NEBL: variants seen among roughly 807,000 people sequenced by gnomAD.
NEBL encodes nebulette.
In NEBL, 122 loss-of-function variants were observed where a neutral mutation model predicts 140.2. That is an observed-to-expected ratio of 0.87 (90% confidence interval 0.75 to 1.01). The LOEUF is 1.01. NEBL is among the 50% of genes least tolerant of loss of function. The probability of loss-of-function intolerance (pLI) is 0.00; values close to 1 mark genes in which losing one functional copy is unlikely to be tolerated. For missense variants in NEBL, 1,365 were observed against 1,231.3 expected, an observed-to-expected ratio of 1.11 and a Z score of -1.62; for synonymous variants, 436 against 398.9, an observed-to-expected ratio of 1.09 and a Z score of -1.11.
intron 3 of NEBL, among the ~76,000 whole-genome samples, chr10:21,006,666 T>C (rs1838151656): frequency 6.6e-6 from 1 of 152,212 alleles, no homozygotes; most frequent in Admixed American, 6.5e-5. Context: ...AGGAGTTGCA[T>C]GGCTTTCACC....
chr10:20,839,505 T>C (rs896177599), intron 13 of NEBL, among the ~76,000 whole-genome samples: 1 of 152,142 alleles, frequency 6.6e-6, no homozygotes, highest in African/African-American at 2.4e-5. Flanking sequence ...TCCATACCCT[T>C]GGGAAGGATT....
chr10:21,261,520 C>T (rs1226913008), intron 1 of NEBL, among the ~76,000 whole-genome samples: 1 of 151,746 alleles, frequency 6.6e-6, no homozygotes, highest in African/African-American at 2.4e-5. Flanking sequence ...ATCAGCCAGG[C>T]GTGGTGGTCC....
intron 2 of NEBL, among the ~76,000 whole-genome samples, chr10:20,894,383 G>A (rs1053096159): frequency 2.6e-5 from 4 of 151,814 alleles, no homozygotes; most frequent in Non-Finnish European, 5.9e-5. Flanking sequence ...TAAGGCTGGA[G>A]AATCACTTGA....
intron 2 of NEBL, among the ~76,000 whole-genome samples, chr10:21,119,694 CTT>C (rs1267341921): frequency 6.6e-6 from 1 of 151,914 alleles, no homozygotes; most frequent in African/African-American, 2.4e-5. Context: ...AAAACATTCT[CTT>C]ATATATGCAT....
At chr10:21,068,246 C>T (rs1196000434) in intron 2 of NEBL, among the ~76,000 whole-genome samples, 2 of 152,138 alleles carry the variant, frequency 1.3e-5, no homozygotes, top group Non-Finnish European at 2.9e-5. Context: ...TTTCAATAAA[C>T]AGGTTTAATT....
At chr10:21,146,383 A>G in intron 2 of NEBL, 1 of 1,612,258 alleles carries the variant, frequency 6.2e-7, no homozygotes, top group Non-Finnish European at 8.5e-7. Flanking sequence ...CACAAGAAAA[A>G]AATGACTGGT....
chr10:20,868,845 AAAAT>A lies in NEBL; in HGVS notation c.583-84_583-81del, dbSNP rs201628197. ...ACATTGACATTAGCCAAAAAAAAAA[AAAAT>A]AACAGACCTTCATCTCATTAATATT... On this transcript the variant is annotated intron_variant, in intron 6 of 27. Coordinates refer to ENST00000377122, the MANE Select transcript of NEBL (RefSeq NM_006393.3). The A allele has an allele frequency of 0.013, 12,103 of 931,218 alleles. 514 individuals carry two copies. The African/African-American group carries it at 0.14, about 11-fold the overall frequency. The allele number at this position is 931,218 out of a possible 1,614,324, so 57.7% of individuals were successfully genotyped here.
At chr10:21,100,087 C>T (rs1837401407) in intron 2 of NEBL, among the ~76,000 whole-genome samples, 1 of 152,174 alleles carries the variant, frequency 6.6e-6, no homozygotes, top group African/African-American at 2.4e-5. Flanking sequence ...GATGAATGTG[C>T]TTAGACACCC....
intron 26 of NEBL, among the ~76,000 whole-genome samples, chr10:20,803,716 T>C (rs1837337061): frequency 6.6e-6 from 1 of 151,450 alleles, no homozygotes; most frequent in Non-Finnish European, 1.5e-5. Context: ...AATCAGCACC[T>C]TCTCACCAGA....
intron 4 of NEBL, among the ~76,000 whole-genome samples, chr10:20,906,639 GGT>G (rs1268951418): frequency 6.6e-6 from 1 of 151,840 alleles, no homozygotes; most frequent in Non-Finnish European, 1.5e-5. Context: ...TTTGTGTGAG[GGT>G]GTGTGTTGGG....
intron 3 of NEBL, among the ~76,000 whole-genome samples, chr10:21,220,534 C>T (rs921399904): frequency 7.2e-5 from 11 of 152,148 alleles, no homozygotes; most frequent in Non-Finnish European, 1.0e-4. Flanking sequence ...AGATCAGACA[C>T]TATAATGCTA....
intron 3 of NEBL, among the ~76,000 whole-genome samples, chr10:21,200,484 T>C (rs951952173): frequency 3.9e-5 from 6 of 151,958 alleles, no homozygotes; most frequent in African/African-American, 1.5e-4. Context: ...CAGCTAACTT[T>C]TGTATTTTTA....
intron 2 of NEBL, among the ~76,000 whole-genome samples, chr10:21,145,630 A>G (rs931023226): frequency 6.6e-6 from 1 of 152,190 alleles, no homozygotes; most frequent in East Asian, 1.9e-4. Context: ...GTTATTGTGC[A>G]CTCTGTAAGG....
At chr10:21,029,695 T>C in intron 2 of NEBL, 2 of 1,040,750 alleles carry the variant, frequency 1.9e-6, no homozygotes, top group Admixed American at 1.7e-5. Flanking sequence ...TTCAGACCAG[T>C]CTGGCCGTGG....
chr10:21,194,645 A>G (rs976335604), intron 3 of NEBL, among the ~76,000 whole-genome samples: 3 of 152,150 alleles, frequency 2.0e-5, no homozygotes, highest in Non-Finnish European at 4.4e-5. Flanking sequence ...AGTGGAGCCA[A>G]GAATAGAGAA....
At chr10:20,952,679 C>T (rs185083150) in intron 4 of NEBL, among the ~76,000 whole-genome samples, 4 of 151,208 alleles carry the variant, frequency 2.6e-5, no homozygotes, top group African/African-American at 7.3e-5. Flanking sequence ...ACGAGGTGGG[C>T]GGATCACTTG....
intron 4 of NEBL, among the ~76,000 whole-genome samples, chr10:20,919,589 G>A (rs575692146): frequency 5.9e-5 from 9 of 152,198 alleles, no homozygotes; most frequent in African/African-American, 2.2e-4. Context: ...CCAAGAAAAG[G>A]GAGAAAAGGA....
intron 3 of NEBL, among the ~76,000 whole-genome samples, chr10:20,889,000 C>A (rs191631320): frequency 2.0e-5 from 3 of 152,332 alleles, no homozygotes; most frequent in Admixed American, 6.5e-5. Context: ...TGCTACCACA[C>A]TCTTTGGATT....
intron 3 of NEBL, among the ~76,000 whole-genome samples, chr10:20,965,850 G>A (rs1836288914): frequency 6.6e-6 from 1 of 152,142 alleles, no homozygotes; most frequent in Non-Finnish European, 1.5e-5. Context: ...CCCAGCCTCA[G>A]GGCCCTGGCG....
Sources: allele counts gnomAD v4.1 joint callset (sites outside exome capture counted in the v4.1 genomes callset), GRCh38; gene constraint gnomAD v4.1.1; transcripts MANE v1.5; gene names NCBI Gene and HGNC (gene_info 2026-07-23, HGNC 2026-07-21).